The following TLE1 variants were observed in gnomAD, a reference collection of about 807,000 sequenced individuals.
TLE1 encodes the protein TLE family member 1, transcriptional corepressor, also known as transducin-like enhancer protein 1.
Under a neutral mutation model 89.8 loss-of-function variants are expected in TLE1, and 21 were observed. The observed-to-expected ratio is 0.23, with a 90% confidence interval of 0.17 to 0.34. The LOEUF (loss-of-function observed/expected upper bound fraction) is 0.34. TLE1 is among the 10% of genes least tolerant of loss of function. The pLI, the probability that TLE1 is intolerant of heterozygous loss-of-function variation, is 1.00. For synonymous variants in TLE1, 447 were observed against 407.6 expected, an observed-to-expected ratio of 1.10 and a Z score of -1.16; for missense variants, 795 against 1,031.2, an observed-to-expected ratio of 0.77 and a Z score of 3.14.
rs1252334077 is a variant in TLE1, at chr9:81,583,974, T to G, written c.*224A>C. On this transcript the variant is annotated 3_prime_UTR_variant, in exon 20 of 20. Coordinates refer to ENST00000376499, the MANE Select transcript of TLE1 (RefSeq NM_005077.5). ...CCTCAATCCTACAACCCATGGCCCC[T>G]CTGTCCGCTTGGCCTTGGTGCTCCA... 2.1e-5 allele frequency: 11 copies of G among 533,066 alleles called. No individual in the cohort carries two copies. Among genetic ancestry groups the G allele is most frequent in the Non-Finnish European group, 3.4e-5 (10 of 297,478 alleles). The allele number at this position is 533,066 out of a possible 1,614,324, so 33.0% of individuals were successfully genotyped here.
At position 81,669,612 on chromosome 9, in the gene TLE1, T is replaced by TC. The variant is rs144895816; in HGVS notation, c.235-15577dup. Among the ~76,000 whole-genome samples the TC allele has an allele frequency of 1.0e-3, 149 of 147,420 alleles. 2 individuals are homozygous for TC. Among genetic ancestry groups the TC allele is most frequent in the African/African-American group, 3.0e-3 (121 of 39,724 alleles). On this transcript the variant is annotated intron_variant, in intron 4 of 19. Transcript: ENST00000376499. ...TATATGCATGCTTACACCTCCACCC[T>TC]CCCCCCCCACACCAAAAGACATGCA...
intron 6 of TLE1, among the ~76,000 whole-genome samples, chr9:81,644,070 G>A (rs935084360): frequency 4.6e-5 from 7 of 152,142 alleles, no homozygotes; most frequent in East Asian, 3.9e-4. Flanking sequence ...ATTAGGATGC[G>A]GAGAATAAAA....
chr9:81,584,748 C>T (rs1828103957), intron 18 of TLE1, among the ~76,000 whole-genome samples: 1 of 152,040 alleles, frequency 6.6e-6, no homozygotes, highest in African/African-American at 2.4e-5. Flanking sequence ...TCACTGGATA[C>T]AGGACTAGTA....
intron 4 of TLE1, among the ~76,000 whole-genome samples, chr9:81,667,822 A>G (rs940603468): frequency 1.3e-5 from 2 of 152,128 alleles, no homozygotes; most frequent in Non-Finnish European, 2.9e-5. Context: ...TCAATATCAC[A>G]TGCCAAAAAA....
intron 4 of TLE1, among the ~76,000 whole-genome samples, chr9:81,667,371 G>A (rs1831605321): frequency 7.7e-6 from 1 of 129,730 alleles, no homozygotes; most frequent in Non-Finnish European, 1.6e-5. Flanking sequence ...CTGGGAGACA[G>A]AGACAGACTG....
chr9:81,584,107 T>A lies in TLE1; in HGVS notation c.*91A>T. The A allele has an allele frequency of 8.5e-7, 1 of 1,181,082 alleles. No individual in the cohort carries two copies. Among genetic ancestry groups the A allele is most frequent in the East Asian group, 2.4e-5 (1 of 42,282 alleles). 73.2% of individuals were successfully genotyped at this position (1,181,082 alleles called of 1,614,324 possible). A position where few individuals can be genotyped will look rare whatever the true frequency, so the allele number is the denominator to read the frequency against. ...TTTGGAAACAGGTGTTTGTAATTTT[T>A]TTTCTCTTTTAAAGTTACAACTTTT... On this transcript the variant is annotated 3_prime_UTR_variant, in exon 20 of 20. Coordinates refer to ENST00000376499, the MANE Select transcript of TLE1 (RefSeq NM_005077.5).
chr9:81,658,488 C>T lies in TLE1; in HGVS notation c.235-4452G>A, dbSNP rs1244457101. Among the ~76,000 whole-genome samples the T allele has an allele frequency of 5.9e-5, 9 of 152,278 alleles. No individual in the cohort carries two copies. The East Asian group carries it at 1.5e-3, about 26-fold the overall frequency. ...AGAGTCTTACCCAAGACTTCCCCTC[C>T]GTCTGCCAGGTCTCTAAACCCTAAT... On this transcript the variant is annotated intron_variant, in intron 4 of 19. Coordinates refer to ENST00000376499, the MANE Select transcript of TLE1 (RefSeq NM_005077.5).
chr9:81,662,770 G>A (rs1195099929), intron 4 of TLE1, among the ~76,000 whole-genome samples: 2 of 152,024 alleles, frequency 1.3e-5, no homozygotes, highest in African/African-American at 2.4e-5. Flanking sequence ...TTATGCTGAG[G>A]TGGTAGGGCT....
At chr9:81,605,026 G>C (rs1378467228) in intron 14 of TLE1, among the ~76,000 whole-genome samples, 1 of 152,166 alleles carries the variant, frequency 6.6e-6, no homozygotes. Context: ...AGAAGGCTGA[G>C]AGCACCCTCT....
intron 13 of TLE1, among the ~76,000 whole-genome samples, chr9:81,610,655 CTT>C (rs1823581066): frequency 2.0e-5 from 3 of 152,224 alleles, no homozygotes; most frequent in African/African-American, 7.2e-5. Flanking sequence ...CAGTTCTTTT[CTT>C]TGTTAGGGGC....
intron 4 of TLE1, among the ~76,000 whole-genome samples, chr9:81,655,459 G>C (rs1369162955): frequency 1.3e-5 from 2 of 152,036 alleles, no homozygotes; most frequent in Non-Finnish European, 2.9e-5. Flanking sequence ...GCAAGAGAGG[G>C]AACAGAGGGT....
At chr9:81,605,438 C>T (rs977986500) in intron 14 of TLE1, among the ~76,000 whole-genome samples, 5 of 152,016 alleles carry the variant, frequency 3.3e-5, no homozygotes, top group African/African-American at 7.2e-5. Flanking sequence ...CTTTGACTTA[C>T]GGGGCGGGGC....
chr9:81,636,408 T>C (rs1827365792), intron 6 of TLE1, among the ~76,000 whole-genome samples: 2 of 124,244 alleles, frequency 1.6e-5, no homozygotes, highest in African/African-American at 6.2e-5. Context: ...CAGCAATTAC[T>C]ATCATTACTT....
At chr9:81,666,985 T>C (rs1831550847) in intron 4 of TLE1, among the ~76,000 whole-genome samples, 1 of 151,314 alleles carries the variant, frequency 6.6e-6, no homozygotes, top group Admixed American at 6.6e-5. Flanking sequence ...CCGGGTGTGG[T>C]GGTGTGGCCT....
chr9:81,673,870 T>C (rs372805236), intron 4 of TLE1, among the ~76,000 whole-genome samples: 1 of 152,184 alleles, frequency 6.6e-6, no homozygotes, highest in South Asian at 2.1e-4. Flanking sequence ...TATGTGAGAA[T>C]GGAGTGTGTA....
chr9:81,622,438 CTTGTT>C (rs1825385660), intron 8 of TLE1, among the ~76,000 whole-genome samples: 1 of 150,540 alleles, frequency 6.6e-6, no homozygotes, highest in South Asian at 2.1e-4. Context: ...TTCTTAATGT[CTTGTT>C]TTTTTTTGTT....
intron 2 of TLE1, among the ~76,000 whole-genome samples, chr9:81,686,794 C>G (rs1156507159): frequency 6.6e-6 from 1 of 152,122 alleles, no homozygotes; most frequent in Non-Finnish European, 1.5e-5. Flanking sequence ...CTACCCAAAC[C>G]AATCCGAAAT....
At position 81,656,251 on chromosome 9, in the gene TLE1, G is replaced by A. The variant is rs17084991; in HGVS notation, c.235-2215C>T. The stretch of plus-strand genomic sequence containing the variant: ...CTACCTCAAGGTCATGGCTCTCCTC[G>A]AAAGCATGGGCAAGGCTTTCCTTTG... On this transcript the variant is annotated intron_variant, in intron 4 of 19. Coordinates refer to ENST00000376499, the MANE Select transcript of TLE1 (RefSeq NM_005077.5). Among the ~76,000 whole-genome samples, 1,135 of 149,080 alleles carry A rather than the reference G, an allele frequency of 7.6e-3. 14 individuals carry two copies. Among genetic ancestry groups the A allele is most frequent in the African/African-American group, 0.026 (1,092 of 41,410 alleles).
intron 6 of TLE1, among the ~76,000 whole-genome samples, chr9:81,651,474 G>C (rs998189846): frequency 1.2e-4 from 18 of 152,162 alleles, no homozygotes; most frequent in African/African-American, 4.3e-4. Context: ...GAGGAGAGCA[G>C]AACCCCGGTG....
Sources: allele counts gnomAD v4.1 joint callset (sites outside exome capture counted in the v4.1 genomes callset), GRCh38; gene constraint gnomAD v4.1.1; transcripts MANE v1.5; gene names NCBI Gene and HGNC (gene_info 2026-07-23, HGNC 2026-07-21).